Variants in RLN2 observed in about 807,000 individuals in gnomAD.
RLN2 encodes the protein prorelaxin H2.
RLN2 carries 10 observed loss-of-function variants against 7.3 expected under a neutral mutation model. The observed-to-expected ratio is 1.36, with a 90% confidence interval of 0.84 to 2.31. The LOEUF (loss-of-function observed/expected upper bound fraction) is 2.31. Ranked by LOEUF, RLN2 falls within the 30% of genes most tolerant of loss-of-function variation. The pLI is 0.00. For synonymous variants in RLN2, 103 were observed against 82.3 expected (o/e 1.25, Z -1.36); for missense variants, 298 against 217.6 (o/e 1.37, Z -2.32).
upstream of RLN2, among the ~76,000 whole-genome samples, chr9:5,305,135 T>A (rs148056826): frequency 3.4e-3 from 522 of 152,030 alleles, 5 homozygotes; most frequent in Non-Finnish European, 6.7e-3. Context: ...ATAAATAAAT[T>A]GTTGATGACA....
the RLN2 span, chr9:5,335,198 G>C: frequency 2.0e-5 from 22 of 1,080,418 alleles, no homozygotes; most frequent in Middle Eastern, 2.7e-3. Flanking sequence ...TCAGTGAAAT[G>C]TCATCAAGAC....
chr9:5,301,447 G>A (rs1448163810), intron 1 of RLN2, among the ~76,000 whole-genome samples: 2 of 152,192 alleles, frequency 1.3e-5, no homozygotes, highest in South Asian at 2.1e-4. Flanking sequence ...AGCTTACAGT[G>A]AGTTAAACCC....
the RLN2 span, chr9:5,311,693 GA>G: frequency 3.2e-6 from 4 of 1,251,946 alleles, no homozygotes; most frequent in Non-Finnish European, 4.6e-6. Flanking sequence ...ACAGAAAGCC[GA>G]AGGTGCTGGA....
At chr9:5,337,297 G>GT in the RLN2 span, among the ~76,000 whole-genome samples, 5 of 151,956 alleles carry the variant, frequency 3.3e-5, no homozygotes, top group African/African-American at 9.7e-5. Flanking sequence ...AACAGTTATA[G>GT]ATTGTATTCA....
the RLN2 span, among the ~76,000 whole-genome samples, chr9:5,313,983 A>G: frequency 5.7e-4 from 87 of 152,000 alleles, 2 homozygotes; most frequent in Admixed American, 5.6e-3. Context: ...TGCAGGGAAA[A>G]GGTAAGGAAG....
chr9:5,316,582 T>C, the RLN2 span, among the ~76,000 whole-genome samples: 4 of 152,012 alleles, frequency 2.6e-5, no homozygotes, highest in African/African-American at 9.7e-5. Context: ...CTGAGAATGA[T>C]GGTTTCCAAC....
At chr9:5,305,762 G>T (rs527380040), upstream of RLN2, among the ~76,000 whole-genome samples, 6 of 152,094 alleles carry the variant, frequency 3.9e-5, no homozygotes, top group South Asian at 2.1e-4. Flanking sequence ...TGAAATAAAA[G>T]AATAACAATC....
upstream of RLN2, among the ~76,000 whole-genome samples, chr9:5,306,096 G>GT (rs1332185953): frequency 7.2e-3 from 909 of 125,762 alleles, 16 homozygotes; most frequent in African/African-American, 0.03. Context: ...GGATTTCTTT[G>GT]TTTTTGTTTT....
chr9:5,328,923 C>T, the RLN2 span, among the ~76,000 whole-genome samples: 1 of 152,000 alleles, frequency 6.6e-6, no homozygotes, highest in African/African-American at 2.4e-5. Context: ...ACGAGATTTC[C>T]TGAAGGAAGC....
At chr9:5,324,287 T>G in the RLN2 span, among the ~76,000 whole-genome samples, 1 of 152,032 alleles carries the variant, frequency 6.6e-6, no homozygotes, top group African/African-American at 2.4e-5. Flanking sequence ...AAATTACGCA[T>G]AATCCCCACT....
the RLN2 span, among the ~76,000 whole-genome samples, chr9:5,326,358 C>G: frequency 6.6e-6 from 1 of 152,106 alleles, no homozygotes; most frequent in South Asian, 2.1e-4. Context: ...GATCCAGTGA[C>G]AGGTGGAGCC....
At chr9:5,323,786 C>T in the RLN2 span, among the ~76,000 whole-genome samples, 1 of 152,006 alleles carries the variant, frequency 6.6e-6, no homozygotes, top group Non-Finnish European at 1.5e-5. Context: ...TGGCTCATGC[C>T]TGTAATCCCA....
chr9:5,336,733 T>C, the RLN2 span, among the ~76,000 whole-genome samples: 3 of 152,032 alleles, frequency 2.0e-5, no homozygotes, highest in African/African-American at 7.3e-5. Flanking sequence ...CTCTTCTTCT[T>C]GGACAGGAAA....
the RLN2 span, among the ~76,000 whole-genome samples, chr9:5,325,410 A>C: frequency 6.6e-6 from 1 of 152,122 alleles, no homozygotes; most frequent in East Asian, 1.9e-4. Context: ...AACTTTGTCT[A>C]ACACTATTTT....
chr9:5,313,541 A>C, the RLN2 span, among the ~76,000 whole-genome samples: 1 of 152,022 alleles, frequency 6.6e-6, no homozygotes, highest in South Asian at 2.1e-4. Flanking sequence ...TGTCTTAAAA[A>C]CTTTTTATTT....
At chr9:5,312,218 G>A in the RLN2 span, among the ~76,000 whole-genome samples, 4 of 151,884 alleles carry the variant, frequency 2.6e-5, no homozygotes, top group Admixed American at 1.3e-4. Flanking sequence ...AAAGCCTTGT[G>A]GTATGGAAAA....
the RLN2 span, among the ~76,000 whole-genome samples, chr9:5,315,637 C>T: frequency 6.6e-6 from 1 of 152,084 alleles, no homozygotes; most frequent in African/African-American, 2.4e-5. Flanking sequence ...AGGTCCTCTC[C>T]AAGTTGCATT....
the RLN2 span, among the ~76,000 whole-genome samples, chr9:5,322,506 A>G: frequency 6.6e-6 from 1 of 152,114 alleles, no homozygotes; most frequent in Admixed American, 6.5e-5. Context: ...AGGAAAACAG[A>G]GAAGCAAGCT....
chr9:5,306,485 G>C (rs974754495), upstream of RLN2, among the ~76,000 whole-genome samples: 31 of 152,022 alleles, frequency 2.0e-4, 2 homozygotes, highest in African/African-American at 7.0e-4. Context: ...CAGATTGAGA[G>C]TTGTCATGCA....
Sources: allele counts gnomAD v4.1 joint callset (sites outside exome capture counted in the v4.1 genomes callset), GRCh38; gene constraint gnomAD v4.1.1; transcripts MANE v1.5; gene names NCBI Gene and HGNC (gene_info 2026-07-23, HGNC 2026-07-21).